Variants in KAT2B observed in about 807,000 individuals in gnomAD.
KAT2B encodes histone acetyltransferase KAT2B.
KAT2B carries 36 observed loss-of-function variants against 105.9 expected under a neutral mutation model. The observed-to-expected ratio is 0.34, with a 90% CI of 0.26 to 0.45. The LOEUF is 0.45. Among genes scored for constraint, KAT2B ranks in the 20% least tolerant of loss-of-function variants. KAT2B has a pLI of 1.00. For synonymous variants in KAT2B, 397 were observed against 377.9 expected (o/e 1.05, Z -0.59); for missense variants, 820 against 1,021.6 (o/e 0.80, Z 2.69).
Position 20,152,552 on chromosome 3 carries a change from A to T in KAT2B, c.*27A>T. 1 of 1,585,498 alleles carries T rather than the reference A, an allele frequency of 6.3e-7. No individual in the cohort carries two copies. The highest frequency in any genetic ancestry group is 8.6e-7 in the Non-Finnish European group (1 of 1,157,092). The stretch of plus-strand genomic sequence containing the variant: ...TTTTTTTCCCCTCTGCTTCTTAGAA[A>T]CTCACCAAGCAGTGTGCCTAAAGCA... On this transcript the variant is annotated 3_prime_UTR_variant, in exon 18 of 18. Transcript: ENST00000263754.
chr3:20,085,782 A>G (rs1465084008), intron 2 of KAT2B, among the ~76,000 whole-genome samples: 4 of 150,720 alleles, frequency 2.7e-5, no homozygotes, highest in African/African-American at 9.7e-5. Flanking sequence ...AAGTGCTGGG[A>G]TTACAGGCAT....
chr3:20,073,517 A>T (rs1166890449), intron 2 of KAT2B, among the ~76,000 whole-genome samples: 1 of 152,192 alleles, frequency 6.6e-6, no homozygotes, highest in Non-Finnish European at 1.5e-5. Flanking sequence ...TGATCTTCCC[A>T]AGAAGTCATC....
chr3:20,147,843 C>G, intron 14 of KAT2B, 120 bp from the exon 15 acceptor site: 1 of 864,894 alleles, frequency 1.2e-6, no homozygotes, highest in Non-Finnish European at 1.8e-6. Flanking sequence ...TTTCAGTCGT[C>G]TCTCAGAAGT....
intron 5 of KAT2B, among the ~76,000 whole-genome samples, chr3:20,102,739 C>G (rs529765633): frequency 6.6e-5 from 10 of 152,288 alleles, no homozygotes; most frequent in South Asian, 2.1e-4. Context: ...TTGGGTCATC[C>G]ATTCTTTTCA....
rs546927484 is a variant in KAT2B at position 20,048,914 on chromosome 3, AGGC to A, written c.303+8135_303+8137del. On this transcript the variant is annotated intron_variant, in intron 1 of 17. Coordinates refer to ENST00000263754, the MANE Select transcript of KAT2B (RefSeq NM_003884.5). Reference sequence around the variant, plus strand: ...TGAGACGGAGTCTTGCTCTGTCGCCAGGCTGGAGTGCAGTGGCGTGCACTGCAA... The same window carrying A: ...TGAGACGGAGTCTTGCTCTGTCGCCATGGAGTGCAGTGGCGTGCACTGCAA... Among the ~76,000 whole-genome samples, 287 of 152,018 alleles carry A rather than the reference AGGC, an allele frequency of 1.9e-3. 1 individual carries two copies. The highest frequency in any genetic ancestry group is 0.01 in the Middle Eastern group (3 of 294).
intron 11 of KAT2B, among the ~76,000 whole-genome samples, chr3:20,130,742 G>C (rs1699494796): frequency 6.6e-6 from 1 of 152,164 alleles, no homozygotes; most frequent in Non-Finnish European, 1.5e-5. Context: ...CACAAACTCA[G>C]AAGGAAGAAC....
At chr3:20,060,071 C>G (rs9874923) in intron 1 of KAT2B, among the ~76,000 whole-genome samples, 9 of 152,012 alleles carry the variant, frequency 5.9e-5, no homozygotes, top group Non-Finnish European at 1.2e-4. Context: ...ACTTCTTTAT[C>G]TTTCATTGCA....
intron 1 of KAT2B, among the ~76,000 whole-genome samples, chr3:20,049,640 A>G (rs1377460888): frequency 6.6e-6 from 1 of 151,714 alleles, no homozygotes; most frequent in Non-Finnish European, 1.5e-5. Flanking sequence ...TTTGAAATTT[A>G]TTGTACTCCA....
At position 20,088,172 on chromosome 3, in the gene KAT2B, A is replaced by G. The variant is rs1465754146; in HGVS notation, c.431-7091A>G. Among the ~76,000 whole-genome samples, 3 of 152,174 alleles carry G rather than the reference A, an allele frequency of 2.0e-5. No homozygotes were observed. The East Asian group carries it at 5.8e-4, about 29-fold the overall frequency. On this transcript the variant is annotated intron_variant, in intron 2 of 17. Transcript: ENST00000263754. ...TTTGTTGGGGTGGACACTTAGGTAA[A>G]TTCCATATTTTGGCTATTGTGAATA...
chr3:20,141,954 A>G (rs1699702051), intron 13 of KAT2B, among the ~76,000 whole-genome samples: 2 of 152,020 alleles, frequency 1.3e-5, no homozygotes, highest in Non-Finnish European at 2.9e-5. Context: ...TTCTCTCTGG[A>G]GCTTAATGAG....
rs60958319 is a variant in KAT2B, at chr3:20,089,399, C to CT, written c.431-5845dup. Among the ~76,000 whole-genome samples the CT allele has an allele frequency of 6.1e-3, 754 of 124,006 alleles. 5 individuals carry two copies. Among genetic ancestry groups the CT allele is most frequent in the African/African-American group, 0.011 (337 of 30,580 alleles). 81.4% of individuals were successfully genotyped at this position (124,006 alleles called of 152,430 possible). A position where few individuals can be genotyped will look rare whatever the true frequency, so the allele number is the denominator to read the frequency against. On this transcript the variant is annotated intron_variant, in intron 2 of 17. Transcript: ENST00000263754. ...TTATCACTTATTCGTGTCTTCTTCA[C>CT]TTTTTTTTTTTTTTTTTTTGAGATG...
chr3:20,115,414 C>T (rs1012770935), intron 7 of KAT2B, among the ~76,000 whole-genome samples: 3 of 152,112 alleles, frequency 2.0e-5, no homozygotes, highest in Admixed American at 2.0e-4. Context: ...TGAATTCCTG[C>T]CTTTGACACT....
chr3:20,147,739 C>T (rs1016288793), intron 14 of KAT2B, among the ~76,000 whole-genome samples: 3 of 152,156 alleles, frequency 2.0e-5, no homozygotes, highest in Non-Finnish European at 1.5e-5. Flanking sequence ...GGTTGGTGTT[C>T]CTGCTTTAAA....
intron 8 of KAT2B, among the ~76,000 whole-genome samples, chr3:20,120,719 CT>C (rs1409745959): frequency 6.6e-6 from 1 of 152,138 alleles, no homozygotes; most frequent in African/African-American, 2.4e-5. Context: ...AAAAATATCT[CT>C]TGAGCCTAGA....
chr3:20,063,928 G>T (rs1698182674), intron 1 of KAT2B, among the ~76,000 whole-genome samples: 1 of 152,094 alleles, frequency 6.6e-6, no homozygotes, highest in Non-Finnish European at 1.5e-5. Flanking sequence ...CTTCATTCTT[G>T]TGCACACAGA....
At chr3:20,041,018 G>A (rs1011284394) in intron 1 of KAT2B, among the ~76,000 whole-genome samples, 22 of 152,156 alleles carry the variant, frequency 1.4e-4, no homozygotes, top group Non-Finnish European at 2.6e-4. Context: ...CATTCCTTCC[G>A]CTTGAAAGGA....
chr3:20,089,180 C>G (rs1698671114), intron 2 of KAT2B, among the ~76,000 whole-genome samples: 1 of 152,034 alleles, frequency 6.6e-6, no homozygotes, highest in African/African-American at 2.4e-5. Context: ...TGCCTTTGTT[C>G]TTTTTGCTCA....
At chr3:20,064,487 A>G (rs766219587) in intron 1 of KAT2B, among the ~76,000 whole-genome samples, 32 of 152,234 alleles carry the variant, frequency 2.1e-4, no homozygotes, top group Non-Finnish European at 4.0e-4. Context: ...TTATTGGGTG[A>G]GAAGTTACGG....
intron 5 of KAT2B, among the ~76,000 whole-genome samples, chr3:20,106,711 T>C (rs1699012133): frequency 6.6e-6 from 1 of 151,934 alleles, no homozygotes; most frequent in African/African-American, 2.4e-5. Flanking sequence ...AAAGCACTTT[T>C]GGATAACTTT....
Sources: gnomAD v4.1 joint callset for allele counts (sites outside exome capture counted in the v4.1 genomes callset) on GRCh38, gnomAD v4.1.1 for gene constraint, MANE v1.5 for transcripts, NCBI Gene and HGNC (gene_info 2026-07-23, HGNC 2026-07-21) for gene names.